The following CLEC16A variants were observed in gnomAD, a reference collection of about 807,000 sequenced individuals.
CLEC16A encodes the protein C-type lectin domain containing 16A, also known as protein CLEC16A.
In CLEC16A, 51 loss-of-function variants were observed where a neutral mutation model predicts 109.5. The ratio of observed to expected loss-of-function variants is 0.47; its 90% CI spans 0.37 to 0.59. CLEC16A has a LOEUF of 0.59. Among genes scored for constraint, CLEC16A ranks in the 20% least tolerant of loss-of-function variants. The pLI, the probability that CLEC16A is intolerant of heterozygous loss-of-function variation, is 0.00. For missense variants in CLEC16A, 1,339 were observed against 1,394.0 expected, an observed-to-expected ratio of 0.96 and a Z score of 0.63; for synonymous variants, 673 against 564.2, an observed-to-expected ratio of 1.19 and a Z score of -2.73.
At chr16:11,159,744 C>T (rs1237818095) in intron 22 of CLEC16A, among the ~76,000 whole-genome samples, 1 of 151,584 alleles carries the variant, frequency 6.6e-6, no homozygotes, top group Non-Finnish European at 1.5e-5. Context: ...GTCTTAGCTC[C>T]TAGGAAGCTC....
At chr16:10,951,329 A>G (rs1164403300) in intron 1 of CLEC16A, among the ~76,000 whole-genome samples, 2 of 152,224 alleles carry the variant, frequency 1.3e-5, no homozygotes, top group Admixed American at 1.3e-4. Context: ...GCCTTTTATA[A>G]GGACTTTCCA....
At chr16:11,120,794 G>C (rs544295262) in intron 20 of CLEC16A, 28 bp downstream of exon 20, 43 of 1,468,978 alleles carry the variant, frequency 2.9e-5, no homozygotes, top group Non-Finnish European at 3.8e-5. Flanking sequence ...TCTGGGATCT[G>C]TTCTCAGTTG....
chr16:11,020,878 C>T lies in CLEC16A; in HGVS notation c.1436+553C>T, dbSNP rs1862606141. ...CTGGGTGACCCCACATTTCCTGGAA[C>T]CTTGCCATAGCACCAGCCCCTCCAC... On this transcript the variant is annotated intron_variant, in intron 12 of 23. Coordinates refer to ENST00000409790, the MANE Select transcript of CLEC16A (RefSeq NM_015226.3). Among the ~76,000 whole-genome samples, 3 of 152,360 alleles carry T rather than the reference C, an allele frequency of 2.0e-5. No homozygotes were observed. In the South Asian group the frequency reaches 6.2e-4, roughly 32 times the overall value.
chr16:11,024,687 G>A (rs1221743396), intron 12 of CLEC16A, 134 bp from the exon 13 acceptor site: 9 of 663,384 alleles, frequency 1.4e-5, no homozygotes, highest in African/African-American at 8.9e-5. Flanking sequence ...TCAGTGCGTG[G>A]TGCTGGACCA....
chr16:10,983,110 G>A, intron 10 of CLEC16A, 119 bp downstream of exon 10: 1 of 608,480 alleles, frequency 1.6e-6, no homozygotes, highest in South Asian at 1.9e-5. Flanking sequence ...TGATGCATAA[G>A]CTGGTCCGGG....
rs530359900 is a variant in CLEC16A at position 11,085,449 on chromosome 16, G to A, written c.2116+24427G>A. The stretch of plus-strand genomic sequence containing the variant: ...GCCAAGACCCAGCTTTGTCACGTGC[G>A]TGAGGCCTTGGCTGTCCTCTTCATC... On this transcript the variant is annotated intron_variant, in intron 19 of 23. Coordinates refer to ENST00000409790, the MANE Select transcript of CLEC16A (RefSeq NM_015226.3). Among the ~76,000 whole-genome samples the A allele has an allele frequency of 9.8e-5, 15 of 152,402 alleles. 1 individual carries two copies. The South Asian group carries it at 2.1e-3, about 21-fold the overall frequency.
intron 10 of CLEC16A, among the ~76,000 whole-genome samples, chr16:10,985,238 G>A (rs2043571167): frequency 1.5e-5 from 2 of 132,932 alleles, no homozygotes; most frequent in Non-Finnish European, 3.2e-5. Context: ...TATATATATA[G>A]TGCCCATCAA....
intron 10 of CLEC16A, among the ~76,000 whole-genome samples, chr16:11,002,649 C>T (rs1198470407): frequency 3.9e-5 from 6 of 152,182 alleles, no homozygotes; most frequent in Non-Finnish European, 7.3e-5. Context: ...CCACCCCCTC[C>T]AAGTCCACCA....
intron 11 of CLEC16A, among the ~76,000 whole-genome samples, chr16:11,017,202 A>C (rs548548790): frequency 6.6e-6 from 1 of 152,290 alleles, no homozygotes; most frequent in South Asian, 2.1e-4. Flanking sequence ...GCCCGCTGCC[A>C]AAACATCTCG....
intron 22 of CLEC16A, chr16:11,157,011 C>T: frequency 8.0e-7 from 1 of 1,247,398 alleles, no homozygotes; most frequent in African/African-American, 1.6e-5. Flanking sequence ...AAAAACATTT[C>T]TAAGGGCACA....
At chr16:11,101,436 C>T (rs2050907693) in intron 19 of CLEC16A, among the ~76,000 whole-genome samples, 1 of 152,206 alleles carries the variant, frequency 6.6e-6, no homozygotes, top group African/African-American at 2.4e-5. Context: ...ATGGTACATG[C>T]CCCTTCCCTG....
intron 20 of CLEC16A, among the ~76,000 whole-genome samples, chr16:11,121,284 G>A (rs16958082): frequency 0.043 from 6,503 of 152,238 alleles, 453 homozygotes; most frequent in African/African-American, 0.15. Context: ...AACCCATGCC[G>A]TGTCGGCTAT....
intron 13 of CLEC16A, among the ~76,000 whole-genome samples, chr16:11,036,426 T>G (rs979317757): frequency 1.3e-5 from 2 of 152,226 alleles, no homozygotes; most frequent in Non-Finnish European, 2.9e-5. Context: ...GGATCCAACC[T>G]GAGCAGCTCG....
At chr16:11,040,712 C>T (rs1383236867) in intron 14 of CLEC16A, 1 of 151,984 alleles carries the variant, frequency 6.6e-6, no homozygotes, top group African/African-American at 2.4e-5. Flanking sequence ...CAGGGTTTCA[C>T]TATGTTGGCC....
chr16:11,073,272 T>A (rs2049170119), intron 19 of CLEC16A, among the ~76,000 whole-genome samples: 1 of 152,040 alleles, frequency 6.6e-6, no homozygotes, highest in South Asian at 2.1e-4. Flanking sequence ...ATGGGGTCGC[T>A]CCACAGGTAG....
At chr16:11,050,431 A>G (rs557648179) in intron 17 of CLEC16A, among the ~76,000 whole-genome samples, 2 of 152,354 alleles carry the variant, frequency 1.3e-5, no homozygotes, top group East Asian at 1.9e-4. Context: ...GGAAAGTGGT[A>G]TGTTTGAAGC....
chr16:11,178,735 G>T lies in CLEC16A; in HGVS notation c.*45G>T. The T allele has an allele frequency of 1.4e-6, 2 of 1,383,384 alleles. No individual in the cohort carries two copies. The highest frequency in any genetic ancestry group is 1.9e-6 in the Non-Finnish European group (2 of 1,049,370). 85.7% of individuals were successfully genotyped at this position (1,383,384 alleles called of 1,614,324 possible). A position where few individuals can be genotyped will look rare whatever the true frequency, so the allele number is the denominator to read the frequency against. The stretch of plus-strand genomic sequence containing the variant: ...TTTGTGTGTGTGGCCCCGCTGGTAG[G>T]GACCCCAGTGCCGCTGACTGGCAAG... On this transcript the variant is annotated 3_prime_UTR_variant, in exon 24 of 24. Coordinates refer to ENST00000409790, the MANE Select transcript of CLEC16A (RefSeq NM_015226.3). This position sits in a 1 kb window ranked among gnomAD's most constrained non-coding sequence, Gnocchi z 6.5.
intron 22 of CLEC16A, among the ~76,000 whole-genome samples, chr16:11,150,480 C>T (rs1026549315): frequency 6.6e-5 from 10 of 152,144 alleles, no homozygotes; most frequent in African/African-American, 9.7e-5. Flanking sequence ...TTTTCTATCC[C>T]GGGCAGCGTT....
intron 9 of CLEC16A, among the ~76,000 whole-genome samples, 199 bp from the exon 10 acceptor site, chr16:10,982,679 A>G (rs975576586): frequency 6.6e-6 from 1 of 152,244 alleles, no homozygotes; most frequent in Non-Finnish European, 1.5e-5. Flanking sequence ...AATAGGCAAC[A>G]GTCTGAAGGA....
Sources: allele counts gnomAD v4.1 joint callset (sites outside exome capture counted in the v4.1 genomes callset), GRCh38; gene constraint gnomAD v4.1.1; non-coding constraint Gnocchi (gnomAD v3.1); transcripts MANE v1.5; gene names NCBI Gene and HGNC (gene_info 2026-07-23, HGNC 2026-07-21).